PEX5L: variants seen among roughly 807,000 people sequenced by gnomAD.
The protein encoded by PEX5L is peroxisomal biogenesis factor 5 like.
A neutral mutation model predicts 84.0 loss-of-function variants in PEX5L; 30 were observed. That is an observed-to-expected ratio of 0.36 (90% CI 0.27 to 0.48). The LOEUF (loss-of-function observed/expected upper bound fraction) is 0.48, where lower values mean the gene tolerates loss of function less well. Ranked by LOEUF, PEX5L falls within the 20% of genes least tolerant of loss-of-function variation. PEX5L has a pLI of 0.99. For synonymous variants in PEX5L, 270 were observed against 283.1 expected (o/e 0.95, Z 0.46); for missense variants, 533 against 754.6 (o/e 0.71, Z 3.44).
chr3:179,918,653 T>C (rs1363467773), intron 2 of PEX5L, among the ~76,000 whole-genome samples: 1 of 152,182 alleles, frequency 6.6e-6, no homozygotes. Flanking sequence ...AAAATGGGAA[T>C]AATGACACCC....
At chr3:179,807,933 G>T in intron 13 of PEX5L, 102 bp from the exon 14 acceptor site, 3 of 1,082,756 alleles carry the variant, frequency 2.8e-6, no homozygotes, top group Non-Finnish European at 4.0e-6. Flanking sequence ...AAAAATTTAT[G>T]CAGTGCTCAT....
chr3:179,924,688 C>T (rs1770877769), intron 2 of PEX5L, among the ~76,000 whole-genome samples: 1 of 152,060 alleles, frequency 6.6e-6, no homozygotes, highest in African/African-American at 2.4e-5. Context: ...ACCTGCATTT[C>T]CATGATCCTA....
chr3:179,933,083 T>C (rs1014756175), intron 2 of PEX5L, among the ~76,000 whole-genome samples: 2 of 152,216 alleles, frequency 1.3e-5, no homozygotes, highest in African/African-American at 4.8e-5. Flanking sequence ...TTTTTTTAGA[T>C]TCCACATATA....
chr3:180,001,382 T>C (rs1314608299), intron 1 of PEX5L, among the ~76,000 whole-genome samples: 1 of 148,594 alleles, frequency 6.7e-6, no homozygotes, highest in Non-Finnish European at 1.5e-5. Flanking sequence ...TATATATATA[T>C]ATCATATTAG....
At chr3:179,857,547 C>T (rs771122471) in intron 8 of PEX5L, among the ~76,000 whole-genome samples, 27 of 151,988 alleles carry the variant, frequency 1.8e-4, no homozygotes, top group Non-Finnish European at 3.7e-4. Context: ...TCTATCAAAG[C>T]GAAGATTAAA....
intron 1 of PEX5L, among the ~76,000 whole-genome samples, chr3:180,024,207 G>A (rs1352878285): frequency 1.3e-5 from 2 of 151,588 alleles, no homozygotes; most frequent in Non-Finnish European, 2.9e-5. Context: ...GTAACTGAAT[G>A]GGAAGAATCA....
At chr3:179,929,451 A>G (rs1163787806) in intron 2 of PEX5L, among the ~76,000 whole-genome samples, 1 of 151,722 alleles carries the variant, frequency 6.6e-6, no homozygotes, top group Non-Finnish European at 1.5e-5. Flanking sequence ...TTTATTTTAC[A>G]GTTCATATTG....
intron 8 of PEX5L, among the ~76,000 whole-genome samples, chr3:179,850,121 T>A (rs1741210581): frequency 1.3e-5 from 2 of 152,020 alleles, no homozygotes; most frequent in African/African-American, 4.8e-5. Flanking sequence ...CTATCTTGCC[T>A]TATACTTTTT....
At chr3:179,988,838 C>T (rs937134232) in intron 1 of PEX5L, among the ~76,000 whole-genome samples, 1 of 152,022 alleles carries the variant, frequency 6.6e-6, no homozygotes, top group African/African-American at 2.4e-5. Flanking sequence ...GGTAGCAGCA[C>T]AAAGAATGGA....
intron 7 of PEX5L, among the ~76,000 whole-genome samples, chr3:179,864,270 A>C (rs144054858): frequency 1.3e-5 from 2 of 152,310 alleles, no homozygotes; most frequent in East Asian, 3.9e-4. Flanking sequence ...ACAATAGCCA[A>C]GATACAGAAT....
chr3:179,808,805 T>G (rs539103986), intron 12 of PEX5L, among the ~76,000 whole-genome samples: 1 of 151,740 alleles, frequency 6.6e-6, no homozygotes, highest in African/African-American at 2.4e-5. Flanking sequence ...AGGCCGGGCG[T>G]GGTGGCTCAC....
intron 1 of PEX5L, among the ~76,000 whole-genome samples, chr3:179,993,339 T>C (rs1182691011): frequency 2.0e-5 from 3 of 152,170 alleles, no homozygotes; most frequent in Admixed American, 6.5e-5. Flanking sequence ...ATGATTTTCT[T>C]AGAAAGGGAT....
At chr3:179,985,058 A>C (rs944243169) in intron 1 of PEX5L, among the ~76,000 whole-genome samples, 2 of 152,214 alleles carry the variant, frequency 1.3e-5, no homozygotes, top group Non-Finnish European at 2.9e-5. Context: ...AACGTAGACT[A>C]TGCACTTCTG....
chr3:179,912,734 C>G (rs1450785131), intron 2 of PEX5L, among the ~76,000 whole-genome samples: 2 of 152,048 alleles, frequency 1.3e-5, no homozygotes, highest in Non-Finnish European at 2.9e-5. Flanking sequence ...ATAACCTGTT[C>G]AAGTGCAATA....
At chr3:179,989,848 T>C (rs961912569) in intron 1 of PEX5L, among the ~76,000 whole-genome samples, 4 of 152,204 alleles carry the variant, frequency 2.6e-5, no homozygotes, top group African/African-American at 9.7e-5. Context: ...AAAGTGTGAT[T>C]TGTGTATCAA....
At chr3:179,873,003 T>C (rs1750886280) in intron 7 of PEX5L, among the ~76,000 whole-genome samples, 1 of 152,188 alleles carries the variant, frequency 6.6e-6, no homozygotes, top group Non-Finnish European at 1.5e-5. Flanking sequence ...CCAGCTAAGA[T>C]CTGGGAGCAG....
At chr3:179,924,521 G>C (rs1770817739) in intron 2 of PEX5L, among the ~76,000 whole-genome samples, 1 of 152,202 alleles carries the variant, frequency 6.6e-6, no homozygotes, top group South Asian at 2.1e-4. Context: ...GGTAAGAAGA[G>C]AGACAAGCTG....
At chr3:179,858,921 T>C in intron 8 of PEX5L, 141 bp downstream of exon 8, 1 of 626,006 alleles carries the variant, frequency 1.6e-6, no homozygotes, top group South Asian at 1.9e-5. Context: ...CAAATGATTG[T>C]CTCATTTTGA....
At chr3:179,838,321 A>C (rs1735766243) in intron 8 of PEX5L, among the ~76,000 whole-genome samples, 1 of 152,192 alleles carries the variant, frequency 6.6e-6, no homozygotes, top group Non-Finnish European at 1.5e-5. Flanking sequence ...AGTTTCCTTA[A>C]GTTGCATTTA....
Sources: allele counts gnomAD v4.1 joint callset (sites outside exome capture counted in the v4.1 genomes callset), GRCh38; gene constraint gnomAD v4.1.1; transcripts MANE v1.5; gene names NCBI Gene and HGNC (gene_info 2026-07-23, HGNC 2026-07-21).